Variants in NSRP1 observed in about 807,000 individuals in gnomAD.
The protein encoded by NSRP1 is coiled-coil domain containing 55.
In NSRP1, 24 loss-of-function variants were observed where a neutral mutation model predicts 54.7. The observed-to-expected ratio is 0.44, with a 90% CI of 0.32 to 0.62. NSRP1 has a LOEUF of 0.62. Ranked by LOEUF, NSRP1 falls within the 20% of genes least tolerant of loss-of-function variation. The pLI, the probability that NSRP1 is intolerant of heterozygous loss-of-function variation, is 0.06. For missense variants in NSRP1, 596 were observed against 651.2 expected (o/e 0.92, Z 0.92); for synonymous variants, 210 against 213.8 (o/e 0.98, Z 0.15).
intron 2 of NSRP1, among the ~76,000 whole-genome samples, chr17:30,120,737 A>C (rs896624411): frequency 6.6e-6 from 1 of 152,208 alleles, no homozygotes; most frequent in Non-Finnish European, 1.5e-5. Flanking sequence ...CAGGTCAGAA[A>C]ATTGAAGCTC....
At chr17:30,163,047 T>A (rs1767705231) in intron 2 of NSRP1, 1 of 147,926 alleles carries the variant, frequency 6.8e-6, no homozygotes, top group African/African-American at 2.5e-5. Flanking sequence ...GCCTGGCTAA[T>A]TTTTTTTTTG....
chr17:30,185,287 T>A lies in NSRP1; in HGVS notation c.1290T>A (p.Asn430Lys), dbSNP rs1406169378. 6.2e-7 allele frequency: 1 copy of A among 1,603,170 alleles called. No homozygotes were observed. Among genetic ancestry groups the A allele is most frequent in the East Asian group, 2.2e-5 (1 of 44,776 alleles). The change falls in exon 7 of 7, where the codon AAT becomes AAA. Residue 430 changes from asparagine to lysine, a missense_variant. By Grantham distance (94) the Asn-to-Lys change is moderately conservative. Transcript: ENST00000247026. ...AAGTAAGGAAGGAAAGATATGAAAA[T>A]AATGATAAATACAGAGATAGAGAAA... ...HMKVRKERYE[N>K]NDKYRDREKR...
chr17:30,128,427 A>C (rs773119740), intron 2 of NSRP1, among the ~76,000 whole-genome samples: 13 of 152,160 alleles, frequency 8.5e-5, no homozygotes, highest in Non-Finnish European at 2.9e-5. Context: ...TATTAGCCAA[A>C]TACTTTTTAA....
chr17:30,182,901 T>A (rs1905363601), intron 6 of NSRP1, among the ~76,000 whole-genome samples: 1 of 152,040 alleles, frequency 6.6e-6, no homozygotes, highest in African/African-American at 2.4e-5. Flanking sequence ...GCCACTGCAC[T>A]CCAGCTTGGG....
In NSRP1 at chr17:30,134,109, G is replaced by A. The variant is rs142183669; in HGVS notation, c.114+15936G>A. 1.0e-3 allele frequency among the ~76,000 whole-genome samples: 152 copies of A among 152,222 alleles called. 1 individual carries two copies. The Middle Eastern group carries it at 0.01, about 10-fold the overall frequency. On this transcript the variant is annotated intron_variant, in intron 2 of 6. Coordinates refer to ENST00000247026, the MANE Select transcript of NSRP1 (RefSeq NM_032141.4). ...GTTGACCTAATTTCAGTATTGTTGCGTCTCAAGGAATAGGAAGGCCTGAGG... is the reference window on the plus strand; with the variant it reads ...GTTGACCTAATTTCAGTATTGTTGCATCTCAAGGAATAGGAAGGCCTGAGG...
chr17:30,163,162 G>A (rs899412339), intron 2 of NSRP1: 4 of 151,422 alleles, frequency 2.6e-5, no homozygotes, highest in African/African-American at 7.4e-5. Flanking sequence ...TGGGATTACA[G>A]GCATGTACCA....
intron 6 of NSRP1, among the ~76,000 whole-genome samples, chr17:30,183,035 G>A (rs1057419376): frequency 6.6e-6 from 1 of 152,102 alleles, no homozygotes; most frequent in African/African-American, 2.4e-5. Flanking sequence ...ATATTTGGCT[G>A]GTGGTTGCCA....
chr17:30,135,557 T>G (rs2071743197), intron 2 of NSRP1, among the ~76,000 whole-genome samples: 1 of 151,872 alleles, frequency 6.6e-6, no homozygotes, highest in Non-Finnish European at 1.5e-5. Flanking sequence ...CACTGCAAGC[T>G]TCACCTCCCG....
At chr17:30,176,983 C>G (rs929289938) in intron 3 of NSRP1, among the ~76,000 whole-genome samples, 5 of 152,078 alleles carry the variant, frequency 3.3e-5, no homozygotes, top group Non-Finnish European at 7.4e-5. Flanking sequence ...ATTAGCCAAT[C>G]TAGCAATTGA....
At chr17:30,159,804 A>G (rs111329134) in intron 2 of NSRP1, among the ~76,000 whole-genome samples, 13,374 of 152,066 alleles carry the variant, frequency 0.088, 811 homozygotes, top group South Asian at 0.15. Flanking sequence ...GACTACAGGC[A>G]TGCACCACCA....
intron 2 of NSRP1, among the ~76,000 whole-genome samples, chr17:30,121,988 C>T (rs1025520404): frequency 6.6e-6 from 1 of 152,114 alleles, no homozygotes; most frequent in Non-Finnish European, 1.5e-5. Flanking sequence ...TAAACCCTGG[C>T]AACCACTAAT....
chr17:30,164,234 G>T (rs1904649477), intron 2 of NSRP1, among the ~76,000 whole-genome samples: 2 of 152,158 alleles, frequency 1.3e-5, no homozygotes, highest in South Asian at 4.1e-4. Context: ...CCTAAGTGCT[G>T]TACACATATT....
intron 2 of NSRP1, among the ~76,000 whole-genome samples, chr17:30,152,184 G>A (rs570307805): frequency 1.1e-3 from 170 of 151,832 alleles, no homozygotes; most frequent in African/African-American, 3.8e-3. Context: ...GTGCAGTGGC[G>A]CGATCTCGGC....
intron 6 of NSRP1, among the ~76,000 whole-genome samples, chr17:30,181,340 C>A (rs1905284727): frequency 6.6e-6 from 1 of 151,060 alleles, no homozygotes; most frequent in East Asian, 1.9e-4. Flanking sequence ...TGGGTCTTAA[C>A]AAGGGAGAGC....
chr17:30,176,141 G>A (rs1254621266), intron 3 of NSRP1, among the ~76,000 whole-genome samples: 1 of 150,730 alleles, frequency 6.6e-6, no homozygotes, highest in Non-Finnish European at 1.5e-5. Context: ...TGTCTGTTCT[G>A]TTACTGAGAG....
At chr17:30,135,250 C>G (rs1467865182) in intron 2 of NSRP1, among the ~76,000 whole-genome samples, 1 of 152,020 alleles carries the variant, frequency 6.6e-6, no homozygotes, top group African/African-American at 2.4e-5. Flanking sequence ...TGCTGATTAG[C>G]TGGGACTACA....
At chr17:30,176,207 C>T (rs1905121232) in intron 3 of NSRP1, among the ~76,000 whole-genome samples, 1 of 151,844 alleles carries the variant, frequency 6.6e-6, no homozygotes, top group South Asian at 2.1e-4. Context: ...CCTTGAATAT[C>T]TGTTCAATTT....
At position 30,118,123 on chromosome 17, in the gene NSRP1, GT is replaced by G; in HGVS notation, c.68del (p.Leu23CysfsTer19). On this transcript the variant is annotated frameshift_variant, in exon 2 of 7. Transcript: ENST00000247026. LOFTEE classifies it high-confidence loss of function. ...LPKKTQQLHP[V>X]LQKPSVFGND... Reference sequence around the variant, plus strand: ...AAAGAAAACACAGCAGTTGCACCCTGTTTTGCAAAAACCATCAGTGTTTGGG... The same window carrying G: ...AAAGAAAACACAGCAGTTGCACCCTGTTTGCAAAAACCATCAGTGTTTGGG... 1.9e-6 allele frequency: 3 copies of G among 1,613,820 alleles called. No individual in the cohort carries two copies. The highest frequency in any genetic ancestry group is 2.5e-6 in the Non-Finnish European group (3 of 1,179,856).
At chr17:30,178,307 G>C in intron 4 of NSRP1, 108 bp downstream of exon 4, 1 of 1,168,010 alleles carries the variant, frequency 8.6e-7, no homozygotes, top group Non-Finnish European at 1.2e-6. Context: ...GGTATGTGAG[G>C]TGTGAAGAGT....
Sources: gnomAD v4.1 joint callset for allele counts (sites outside exome capture counted in the v4.1 genomes callset) on GRCh38, gnomAD v4.1.1 for gene constraint, MANE v1.5 for transcripts, NCBI Gene and HGNC (gene_info 2026-07-23, HGNC 2026-07-21) for gene names.